The following PREX1 variants were observed in gnomAD, a reference collection of about 807,000 sequenced individuals.
PREX1 encodes phosphatidylinositol 3,4,5-trisphosphate-dependent Rac exchanger 1 protein.
Under a neutral mutation model 198.3 loss-of-function variants are expected in PREX1, and 41 were observed. The ratio of observed to expected loss-of-function variants is 0.21; its 90% confidence interval spans 0.16 to 0.27. The LOEUF (loss-of-function observed/expected upper bound fraction) is 0.27. Among genes scored for constraint, PREX1 ranks in the 10% least tolerant of loss-of-function variants. PREX1 has a pLI of 1.00. For synonymous variants in PREX1, 843 were observed against 887.2 expected (o/e 0.95, Z 0.89); for missense variants, 1,620 against 2,200.7 (o/e 0.74, Z 5.28).
intron 1 of PREX1, among the ~76,000 whole-genome samples, chr20:48,789,947 A>C (rs2090330715): frequency 6.6e-6 from 1 of 152,034 alleles, no homozygotes. Context: ...AAGGGGAGGA[A>C]AGAAGGAGAA....
intron 2 of PREX1, among the ~76,000 whole-genome samples, chr20:48,746,668 T>C (rs1211082242): frequency 1.3e-5 from 2 of 152,138 alleles, no homozygotes; most frequent in Non-Finnish European, 2.9e-5. Flanking sequence ...TCATTTGGTT[T>C]CATGGTACAC....
At chr20:48,637,934 C>T (rs887126762) in intron 30 of PREX1, among the ~76,000 whole-genome samples, 182 bp from the exon 31 acceptor site, 3 of 152,198 alleles carry the variant, frequency 2.0e-5, no homozygotes, top group African/African-American at 7.2e-5. Context: ...TCCAGGAACC[C>T]CTGACCTCAG....
chr20:48,825,614 T>C (rs2090505301), intron 1 of PREX1, among the ~76,000 whole-genome samples: 2 of 152,058 alleles, frequency 1.3e-5, no homozygotes, highest in African/African-American at 4.8e-5. Context: ...AAACACAATC[T>C]AGATCTGTTC....
At chr20:48,712,283 G>A (rs898280719) in intron 5 of PREX1, among the ~76,000 whole-genome samples, 3 of 152,164 alleles carry the variant, frequency 2.0e-5, no homozygotes, top group Non-Finnish European at 2.9e-5. Context: ...CCTACCCAAG[G>A]GCACGGACAG....
chr20:48,672,760 C>T (rs1171782916), intron 14 of PREX1, among the ~76,000 whole-genome samples: 2 of 152,222 alleles, frequency 1.3e-5, no homozygotes, highest in Non-Finnish European at 2.9e-5. Context: ...TCAGTATGGC[C>T]GTCCCTGACC....
At chr20:48,775,188 G>A (rs1400623435) in intron 1 of PREX1, among the ~76,000 whole-genome samples, 1 of 152,192 alleles carries the variant, frequency 6.6e-6, no homozygotes, top group Non-Finnish European at 1.5e-5. Context: ...CCCTGGGGAT[G>A]AGCATGAACA....
chr20:48,684,686 C>CT lies in PREX1; in HGVS notation c.1335-3352dup, dbSNP rs2089774073. Among the ~76,000 whole-genome samples, 1 of 152,222 alleles carries CT rather than the reference C, an allele frequency of 6.6e-6. No individual in the cohort carries two copies. Among genetic ancestry groups the CT allele is most frequent in the Non-Finnish European group, 1.5e-5 (1 of 68,044 alleles). On this transcript the variant is annotated intron_variant, in intron 10 of 39. Coordinates refer to ENST00000371941, the MANE Select transcript of PREX1 (RefSeq NM_020820.4). The surrounding 1 kb of genome is among the most constrained non-coding windows in gnomAD (Gnocchi z 4.2). Reference sequence around the variant, plus strand: ...CGATCTGGATCCTCATCTCACTCCACTACCGAGACTCCTCCAGTGGCTTCC... The same window carrying CT: ...CGATCTGGATCCTCATCTCACTCCACTTACCGAGACTCCTCCAGTGGCTTCC...
At chr20:48,735,710 G>T (rs1188063507) in intron 3 of PREX1, among the ~76,000 whole-genome samples, 1 of 152,082 alleles carries the variant, frequency 6.6e-6, no homozygotes, top group African/African-American at 2.4e-5. Flanking sequence ...GCCTTACATG[G>T]TAACTACTGT....
intron 3 of PREX1, among the ~76,000 whole-genome samples, chr20:48,736,723 A>G (rs912978403): frequency 1.3e-5 from 2 of 152,250 alleles, no homozygotes; most frequent in Non-Finnish European, 2.9e-5. Context: ...TGCAGGCTGC[A>G]GGGAAGAGGA....
intron 3 of PREX1, among the ~76,000 whole-genome samples, chr20:48,742,525 C>A (rs2090086883): frequency 6.6e-6 from 1 of 152,028 alleles, no homozygotes; most frequent in African/African-American, 2.4e-5. Context: ...TCTCCCAGGC[C>A]CAGGGAGGAT....
At chr20:48,663,372 T>TA (rs756512805) in intron 15 of PREX1, among the ~76,000 whole-genome samples, 1 of 152,124 alleles carries the variant, frequency 6.6e-6, no homozygotes, top group Non-Finnish European at 1.5e-5. Flanking sequence ...CTCAACAAAC[T>TA]ATGGCCCGGC....
At chr20:48,642,067 C>T (rs1309920469) in intron 29 of PREX1, 101 bp downstream of exon 29, 2 of 1,230,392 alleles carry the variant, frequency 1.6e-6, no homozygotes, top group Admixed American at 1.9e-5. Flanking sequence ...TACAGTCGTT[C>T]AGCAGTAGGA....
intron 1 of PREX1, among the ~76,000 whole-genome samples, chr20:48,813,448 G>A (rs1476811688): frequency 6.6e-6 from 1 of 152,174 alleles, no homozygotes; most frequent in Admixed American, 6.5e-5. Flanking sequence ...GGGAACACTT[G>A]GGGAGAAATA....
chr20:48,782,417 C>G (rs957921284), intron 1 of PREX1, among the ~76,000 whole-genome samples: 1 of 152,122 alleles, frequency 6.6e-6, no homozygotes, highest in Non-Finnish European at 1.5e-5. Context: ...GATTGTGAGG[C>G]CTCCCCAGCC....
In PREX1 at chr20:48,654,248, T is replaced by A. The variant is rs114522135; in HGVS notation, c.2210-751A>T. ...GGGAGATCCGACGAGCTAACACGTG[T>A]GCAGCATTTAGCATCGTGCCTGGCA... On this transcript the variant is annotated intron_variant, in intron 19 of 39. Coordinates refer to ENST00000371941, the MANE Select transcript of PREX1 (RefSeq NM_020820.4). Among the ~76,000 whole-genome samples the A allele has an allele frequency of 3.6e-3, 543 of 152,374 alleles. 4 individuals are homozygous for A. Among genetic ancestry groups the A allele is most frequent in the Middle Eastern group, 0.017 (5 of 294 alleles).
chr20:48,794,932 T>C (rs980434981), intron 1 of PREX1, among the ~76,000 whole-genome samples: 4 of 152,198 alleles, frequency 2.6e-5, no homozygotes, highest in African/African-American at 4.8e-5. Flanking sequence ...ATGAGTTGAT[T>C]AAGTGAAACT....
intron 21 of PREX1, 100 bp from the exon 22 acceptor site, chr20:48,651,683 G>C (rs1568803650): frequency 5.8e-6 from 7 of 1,201,328 alleles, no homozygotes; most frequent in Non-Finnish European, 8.1e-6. Flanking sequence ...AGTGGGAACA[G>C]CAAGTGCAAA....
intron 27 of PREX1, among the ~76,000 whole-genome samples, chr20:48,643,965 C>T (rs1311515756): frequency 2.6e-5 from 4 of 152,236 alleles, no homozygotes; most frequent in Admixed American, 6.5e-5. Flanking sequence ...GCGTGAGCCA[C>T]CACGCTCAGC....
Position 48,642,181 on chromosome 20 carries a change from G to C in PREX1, c.3762C>G (p.Asn1254Lys). The C allele has an allele frequency of 6.2e-7, 1 of 1,614,132 alleles. No individual in the cohort carries two copies. The change falls in exon 29 of 40, where the codon AAC becomes AAG. Residue 1254 changes from asparagine to lysine, a missense_variant. By Grantham distance (94) the Asn-to-Lys change is moderately conservative (BLOSUM62 0). Coordinates refer to ENST00000371941, the MANE Select transcript of PREX1 (RefSeq NM_020820.4). The stretch of plus-strand genomic sequence containing the variant: ...CTATCCCCTCACCTTGTAAGCTGTG[G>C]TTCATAGGGAAATGCTTGGTCTCTT... ...AFEETKHFPM[N>K]HSLQEFKQKE...
Sources: allele counts gnomAD v4.1 joint callset (sites outside exome capture counted in the v4.1 genomes callset), GRCh38; gene constraint gnomAD v4.1.1; non-coding constraint Gnocchi (gnomAD v3.1); transcripts MANE v1.5; gene names NCBI Gene and HGNC (gene_info 2026-07-23, HGNC 2026-07-21).